The following APCDD1L variants were observed in gnomAD, a reference collection of about 807,000 sequenced individuals.
APCDD1L encodes the protein APC down-regulated 1 like.
Under a neutral mutation model 24.2 loss-of-function variants are expected in APCDD1L, and 21 were observed. That is an observed-to-expected ratio of 0.87 (90% confidence interval 0.61 to 1.25). The LOEUF is 1.25. Ranked by LOEUF, APCDD1L falls within the 50% of genes most tolerant of loss-of-function variation. The pLI, the probability that APCDD1L is intolerant of heterozygous loss-of-function variation, is 0.00. For missense variants in APCDD1L, 704 were observed against 711.7 expected, an observed-to-expected ratio of 0.99 and a Z score of 0.12; for synonymous variants, 321 against 323.6, an observed-to-expected ratio of 0.99 and a Z score of 0.09.
At chr20:58,463,143 CAAAAAAAAAAA>C (rs398036014) in intron 3 of APCDD1L, among the ~76,000 whole-genome samples, 1,264 of 93,802 alleles carry the variant, frequency 0.013, 22 homozygotes, top group African/African-American at 0.05. Context: ...CTCCATCTCA[CAAAAAAAAAAA>C]AAAAAAAAAA....
At chr20:58,476,773 C>T (rs1338648447) in intron 1 of APCDD1L, among the ~76,000 whole-genome samples, 2 of 152,238 alleles carry the variant, frequency 1.3e-5, no homozygotes, top group East Asian at 3.8e-4. Context: ...ACCAGATCAT[C>T]CACCCCATCC....
rs866543819 is a variant in APCDD1L at position 58,460,605 on chromosome 20, G to A, written c.*185C>T. 4.4e-6 allele frequency: 3 copies of A among 678,134 alleles called. No homozygotes were observed. The highest frequency in any genetic ancestry group is 1.8e-5 in the African/African-American group (1 of 56,022). 42.0% of individuals were successfully genotyped at this position (678,134 alleles called of 1,614,324 possible). On this transcript the variant is annotated 3_prime_UTR_variant, in exon 4 of 4. Transcript: ENST00000371149. This position sits in a 1 kb window ranked among gnomAD's most constrained non-coding sequence, Gnocchi z 4.2. Reference sequence around the variant, plus strand: ...GACCCGGGCTGTGGGATGTGGTATAGGCTTTGCAGGGGTTAAGCTCATGTC... The same window carrying A: ...GACCCGGGCTGTGGGATGTGGTATAAGCTTTGCAGGGGTTAAGCTCATGTC...
intron 2 of APCDD1L, among the ~76,000 whole-genome samples, chr20:58,468,267 G>A (rs1568736018): frequency 1.3e-5 from 2 of 152,180 alleles, no homozygotes; most frequent in Non-Finnish European, 2.9e-5. Context: ...TAGATGATAC[G>A]TGCATGGATG....
intron 1 of APCDD1L, among the ~76,000 whole-genome samples, chr20:58,506,126 C>T (rs895413412): frequency 3.3e-5 from 5 of 152,114 alleles, no homozygotes; most frequent in Non-Finnish European, 7.4e-5. Flanking sequence ...ATCCCCACTT[C>T]CCAGAAACAC....
rs1990709422 is a variant in APCDD1L, at chr20:58,514,837, T to A, written c.-130A>T. The stretch of plus-strand genomic sequence containing the variant: ...GAGTCCTGCGAAGAAGTTGCGAGGG[T>A]CCTGCGCCCCCCTCGGCGCTCACAC... On this transcript the variant is annotated 5_prime_UTR_variant, in exon 1 of 4. Transcript: ENST00000371149. 4 of 651,172 alleles carry A rather than the reference T, an allele frequency of 6.1e-6. No individual in the cohort carries two copies. Among genetic ancestry groups the A allele is most frequent in the South Asian group, 1.6e-4 (2 of 12,468 alleles). The allele number at this position is 651,172 out of a possible 1,614,324, so 40.3% of individuals were successfully genotyped here.
intron 1 of APCDD1L, among the ~76,000 whole-genome samples, chr20:58,499,100 C>T (rs912060835): frequency 5.9e-5 from 9 of 152,244 alleles, no homozygotes; most frequent in African/African-American, 1.2e-4. Flanking sequence ...GGGGCCAGTG[C>T]GATGGCTCTG....
At chr20:58,485,662 C>T (rs1156792931) in intron 1 of APCDD1L, among the ~76,000 whole-genome samples, 1 of 152,234 alleles carries the variant, frequency 6.6e-6, no homozygotes, top group African/African-American at 2.4e-5. Flanking sequence ...ACTCTGGCCC[C>T]TGTAATTCAT....
chr20:58,496,546 G>C (rs1245706912), intron 1 of APCDD1L, among the ~76,000 whole-genome samples: 3 of 152,274 alleles, frequency 2.0e-5, no homozygotes, highest in Non-Finnish European at 4.4e-5. Flanking sequence ...CGACAGGGGA[G>C]AGAAAGGTGG....
At chr20:58,484,217 T>C (rs4812005) in intron 1 of APCDD1L, among the ~76,000 whole-genome samples, 87,938 of 152,064 alleles carry the variant, frequency 0.58, 26,266 homozygotes, top group African/African-American at 0.72. Flanking sequence ...ATGCCATACA[T>C]AGGGCAAAAA....
rs148724187 is a variant in APCDD1L, at chr20:58,484,590, C to T, written c.50-13843G>A. Among the ~76,000 whole-genome samples, 267 of 152,064 alleles carry T rather than the reference C, an allele frequency of 1.8e-3. 3 individuals carry two copies. Among genetic ancestry groups the T allele is most frequent in the African/African-American group, 6.1e-3 (251 of 41,434 alleles). On this transcript the variant is annotated intron_variant, in intron 1 of 3. Coordinates refer to ENST00000371149, the MANE Select transcript of APCDD1L (RefSeq NM_153360.3). Reference sequence around the variant, plus strand: ...TGTTTTAACTTAATAATAGATTTAGCGATCTTTGTGGAAGGTTGATTTTGT... The same window carrying T: ...TGTTTTAACTTAATAATAGATTTAGTGATCTTTGTGGAAGGTTGATTTTGT...
chr20:58,482,148 T>C (rs1990036453), intron 1 of APCDD1L, among the ~76,000 whole-genome samples: 1 of 152,230 alleles, frequency 6.6e-6, no homozygotes, highest in Non-Finnish European at 1.5e-5. Context: ...TCTTACATTG[T>C]ATTGAGATTA....
intron 1 of APCDD1L, among the ~76,000 whole-genome samples, chr20:58,474,373 CACA>C (rs1406131328): frequency 6.6e-6 from 1 of 152,194 alleles, no homozygotes; most frequent in Non-Finnish European, 1.5e-5. Context: ...CTAAATAAAA[CACA>C]ACAACACACC....
At chr20:58,483,321 C>A (rs1990060640) in intron 1 of APCDD1L, among the ~76,000 whole-genome samples, 1 of 152,020 alleles carries the variant, frequency 6.6e-6, no homozygotes, top group Admixed American at 6.5e-5. Context: ...GGAATGTTCT[C>A]CAGGAGGTGG....
chr20:58,513,377 G>A (rs563033684), intron 1 of APCDD1L, among the ~76,000 whole-genome samples: 2 of 152,122 alleles, frequency 1.3e-5, no homozygotes, highest in East Asian at 1.9e-4. Context: ...GTCACCTCTC[G>A]CTCCCAGACT....
chr20:58,465,810 C>T (rs1195216794), intron 3 of APCDD1L, among the ~76,000 whole-genome samples: 2 of 152,198 alleles, frequency 1.3e-5, no homozygotes, highest in Non-Finnish European at 2.9e-5. Flanking sequence ...GGTTTGCAGT[C>T]GTCCCTGCTT....
intron 3 of APCDD1L, among the ~76,000 whole-genome samples, chr20:58,466,394 C>T (rs1041386675): frequency 5.3e-5 from 8 of 152,244 alleles, no homozygotes; most frequent in African/African-American, 1.9e-4. Context: ...GCCCAGGCCA[C>T]GTGGCTTCGC....
Position 58,467,659 on chromosome 20 carries a change from C to A in APCDD1L, c.189-1G>T. On this transcript the variant is annotated splice_acceptor_variant, in intron 2 of 3. Transcript: ENST00000371149. LOFTEE classifies it high-confidence loss of function. This position sits in a 1 kb window ranked among gnomAD's most constrained non-coding sequence, Gnocchi z 5.9. ...CTCCGGTCCTGGGCGCACCTCGCAG[C>A]TGCAGGGGTGGAAGGAGATGGGCTG... The A allele has an allele frequency of 6.7e-7, 1 of 1,491,268 alleles. No homozygotes were observed. The allele number at this position is 1,491,268 out of a possible 1,614,324, so 92.4% of individuals were successfully genotyped here.
Position 58,467,587 on chromosome 20 carries a change from G to A in APCDD1L, c.260C>T (p.Ala87Val), listed in dbSNP as rs1989740544. 1.3e-6 allele frequency: 2 copies of A among 1,562,392 alleles called. No homozygotes were observed. Among genetic ancestry groups the A allele is most frequent in the South Asian group, 1.2e-5 (1 of 85,518 alleles). Residue 87 changes from alanine (A) to valine (V), a missense_variant, in exon 3 of 4, where the codon GCC (alanine) becomes GTC (valine). Coordinates refer to ENST00000371149, the MANE Select transcript of APCDD1L (RefSeq NM_153360.3). This position sits in a 1 kb window ranked among gnomAD's most constrained non-coding sequence, Gnocchi z 5.9. ...GGGGTCCTCGTAGTAGAACTGGTGG[G>A]CTCGAAAGAGCCGGCTGGGGTAGAA... ...YTFYPSRLFR[A>V]HQFYYEDPFC...
intron 1 of APCDD1L, among the ~76,000 whole-genome samples, chr20:58,496,682 G>A (rs1225870637): frequency 1.3e-5 from 2 of 152,348 alleles, no homozygotes; most frequent in East Asian, 1.9e-4. Flanking sequence ...GGGTGCAGGG[G>A]CCAGAGCAGG....
Sources: gnomAD v4.1 joint callset for allele counts (sites outside exome capture counted in the v4.1 genomes callset) on GRCh38, gnomAD v4.1.1 for gene constraint, Gnocchi (gnomAD v3.1) non-coding constraint, MANE v1.5 for transcripts, NCBI Gene and HGNC (gene_info 2026-07-23, HGNC 2026-07-21) for gene names.